The following CBY3 variants were observed in gnomAD, a reference collection of about 807,000 sequenced individuals.
CBY3 encodes sperm annulus positioning complex subunit Chibby3.
In CBY3, 7 loss-of-function variants were observed where a neutral mutation model predicts 3.0. The ratio of observed to expected loss-of-function variants is 2.32; its 90% CI spans 1.32 to 4.35. The LOEUF is 4.35. Ranked by LOEUF, CBY3 falls within the 30% of genes most tolerant of loss-of-function variation. The pLI, the probability that CBY3 is intolerant of heterozygous loss-of-function variation, is 0.00. For missense variants in CBY3, 400 were observed against 336.4 expected, an observed-to-expected ratio of 1.19 and a Z score of -1.48; for synonymous variants, 170 against 154.5, an observed-to-expected ratio of 1.10 and a Z score of -0.74.
chr5:179,678,626 G>T lies in CBY3; in HGVS notation c.686C>A (p.Ala229Glu). Residue 229 changes from alanine (A) to glutamate (E), a missense_variant, in exon 2 of 2, where the codon GCG becomes GAG. Ala to Glu is a moderately radical substitution (Grantham distance 107). Transcript: ENST00000376974. ...GCACGGCTGGATCATGAGCACGCCC[G>T]CGCTGGCGCCTGCGCGCTTGCGCAT... ...RKMRKRAGAS[A>E]GVLMIQPCAL... is the part of the protein sequence containing the mutation. 6.5e-7 allele frequency: 1 copy of T among 1,532,558 alleles called. No homozygotes were observed. The highest frequency in any genetic ancestry group is 8.7e-7 in the Non-Finnish European group (1 of 1,143,988). The allele number at this position is 1,532,558 out of a possible 1,614,324, so 94.9% of individuals were successfully genotyped here. A position where few individuals can be genotyped will look rare whatever the true frequency, so the allele number is the denominator to read the frequency against.
At chr5:179,680,018 G>A (rs1016243861) in intron 1 of CBY3, among the ~76,000 whole-genome samples, 1 of 112,890 alleles carries the variant, frequency 8.9e-6, no homozygotes, top group Non-Finnish European at 1.7e-5. Flanking sequence ...TCACCTTATT[G>A]GCCAGGCTGG....
At chr5:179,679,716 T>C (rs143661279) in intron 1 of CBY3, among the ~76,000 whole-genome samples, 2,276 of 152,102 alleles carry the variant, frequency 0.015, 25 homozygotes, top group Non-Finnish European at 0.022. Context: ...TGGAGTGCAA[T>C]TGCGCGATCT....
In CBY3 at chr5:179,678,966, G is replaced by C; in HGVS notation, c.346C>G (p.Leu116Val). 6.5e-7 allele frequency: 1 copy of C among 1,535,836 alleles called. No individual in the cohort carries two copies. Among genetic ancestry groups the C allele is most frequent in the South Asian group, 1.2e-5 (1 of 83,982 alleles). The change falls in exon 2 of 2, where the codon CTG (leucine) becomes GTG (valine). Residue 116 changes from leucine (L) to valine (V), a missense_variant. Coordinates refer to ENST00000376974, the MANE Select transcript of CBY3 (RefSeq NM_001164444.2). ...CACGGCGCGCCGTAGGCGAGGCCCA[G>C]CTCGGCCTGGCGCGTGTTGTGGTCC... ...LLDHNTRQAE[L>V]GLAYGAPCMR...
rs762743798 is a variant in CBY3, at chr5:179,678,642, GC to G, written c.669del (p.Lys223AsnfsTer11). 6.5e-7 allele frequency: 1 copy of G among 1,533,668 alleles called. No individual in the cohort carries two copies. The highest frequency in any genetic ancestry group is 1.2e-5 in the South Asian group (1 of 83,888). ...AARAGQRKMR[K>X]RAGASAGVLM... ...AGCACGCCCGCGCTGGCGCCTGCGC[GC>G]TTGCGCATCTTCCTCTGCCCGGCGC... On this transcript the variant is annotated frameshift_variant, in exon 2 of 2. Coordinates refer to ENST00000376974, the MANE Select transcript of CBY3 (RefSeq NM_001164444.2). LOFTEE classifies it low-confidence loss of function (END_TRUNC).
chr5:179,679,478 A>G (rs1775997635), intron 1 of CBY3, among the ~76,000 whole-genome samples: 1 of 152,198 alleles, frequency 6.6e-6, no homozygotes, highest in African/African-American at 2.4e-5. Context: ...GCCCTGGGAT[A>G]CATATGCAGA....
intron 1 of CBY3, among the ~76,000 whole-genome samples, chr5:179,679,642 A>G (rs1033497609): frequency 2.0e-5 from 3 of 152,038 alleles, no homozygotes; most frequent in Non-Finnish European, 4.4e-5. Flanking sequence ...GGCAGAGGGA[A>G]GAGCCGAGCA....
chr5:179,679,733 A>G (rs1300060543), intron 1 of CBY3, among the ~76,000 whole-genome samples: 1 of 151,946 alleles, frequency 6.6e-6, no homozygotes, highest in Non-Finnish European at 1.5e-5. Flanking sequence ...ATCTTGGCTC[A>G]CTGCAACCTC....
At chr5:179,679,431 A>G (rs991515985) in intron 1 of CBY3, 166 bp from the exon 2 acceptor site, 11 of 610,476 alleles carry the variant, frequency 1.8e-5, no homozygotes, top group Non-Finnish European at 2.8e-5. Flanking sequence ...CAGCAGTCTC[A>G]CCTAAACCAT....
rs1775961142 is a variant in CBY3 at position 179,678,573 on chromosome 5, C to A, written c.*10G>T. The A allele has an allele frequency of 6.7e-7, 1 of 1,486,876 alleles. No individual in the cohort carries two copies. The highest frequency in any genetic ancestry group is 8.9e-7 in the Non-Finnish European group (1 of 1,119,210). 92.1% of individuals were successfully genotyped at this position (1,486,876 alleles called of 1,614,324 possible). A position where few individuals can be genotyped will look rare whatever the true frequency, so the allele number is the denominator to read the frequency against. The stretch of plus-strand genomic sequence containing the variant: ...GTGAGGCGCGCATGCGTAGCGCGGC[C>A]TTTATTGCGTCACTGCGAGTCCAGA... On this transcript the variant is annotated 3_prime_UTR_variant, in exon 2 of 2. Transcript: ENST00000376974.
At position 179,678,896 on chromosome 5, in the gene CBY3, C is replaced by T; in HGVS notation, c.416G>A (p.Trp139Ter). 1.3e-6 allele frequency: 2 copies of T among 1,535,148 alleles called. No individual in the cohort carries two copies. The highest frequency in any genetic ancestry group is 1.7e-6 in the Non-Finnish European group (2 of 1,145,736). Residue 139 changes from tryptophan (W) to a stop codon, truncating the protein, a stop_gained, in exon 2 of 2, where the codon TGG (tryptophan) becomes TAG (stop). Coordinates refer to ENST00000376974, the MANE Select transcript of CBY3 (RefSeq NM_001164444.2). LOFTEE classifies it low-confidence loss of function (END_TRUNC). ...NQAFVFRGGR[W>*]TTESQLARTR... Reference sequence around the variant, plus strand: ...CCTCGCCAGCTGGCTCTCAGTGGTCCACCGCCCGCCGCGGAACACGAAGGC... The same window carrying T: ...CCTCGCCAGCTGGCTCTCAGTGGTCTACCGCCCGCCGCGGAACACGAAGGC...
Position 179,680,488 on chromosome 5 carries a change from G to A in CBY3, c.46+385C>T, listed in dbSNP as rs144201515. On this transcript the variant is annotated intron_variant, in intron 1 of 1. Coordinates refer to ENST00000376974, the MANE Select transcript of CBY3 (RefSeq NM_001164444.2). ...CTAATCCAGCTTGGAAGACAGATGC[G>A]TGTATAGACCACAGTCCAGTGTGTT... 1.9e-3 allele frequency among the ~76,000 whole-genome samples: 291 copies of A among 152,236 alleles called. 3 individuals carry two copies. Among genetic ancestry groups the A allele is most frequent in the Middle Eastern group, 0.014 (4 of 294 alleles).
Position 179,678,881 on chromosome 5 carries a change from T to C in CBY3, c.431A>G (p.Gln144Arg), listed in dbSNP as rs990600735. 6 of 1,535,772 alleles carry C rather than the reference T, an allele frequency of 3.9e-6. No homozygotes were observed. In the African/African-American group the frequency reaches 8.2e-5, roughly 21 times the overall value. The change falls in exon 2 of 2, where the codon CAG becomes CGG. Residue 144 changes from glutamine to arginine, a missense_variant. Transcript: ENST00000376974. The part of the protein sequence containing the change: ...FRGGRWTTES[Q>R]LARTRSPLLS... ...CAGCGGCGACCGCGTCCTCGCCAGC[T>C]GGCTCTCAGTGGTCCACCGCCCGCC...
chr5:179,679,847 C>G (rs931768091), intron 1 of CBY3, among the ~76,000 whole-genome samples: 2 of 151,178 alleles, frequency 1.3e-5, no homozygotes, highest in Non-Finnish European at 2.9e-5. Flanking sequence ...TTAGTGAAGA[C>G]GGGGTTTCAC....
intron 1 of CBY3, among the ~76,000 whole-genome samples, chr5:179,680,298 G>A (rs1581809607): frequency 6.6e-6 from 1 of 152,160 alleles, no homozygotes; most frequent in African/African-American, 2.4e-5. Flanking sequence ...GCCGGGGTTA[G>A]ATCTGGATTC....
At position 179,679,196 on chromosome 5, in the gene CBY3, C is replaced by T. The variant is rs762709823; in HGVS notation, c.116G>A (p.Arg39His). The T allele has an allele frequency of 9.8e-6, 15 of 1,534,788 alleles. No individual in the cohort carries two copies. The highest frequency in any genetic ancestry group is 1.4e-5 in the African/African-American group (1 of 73,146). Residue 39 changes from arginine to histidine, a missense_variant, in exon 2 of 2, where the codon CGC (arginine) becomes CAC (histidine). By Grantham distance (29) the Arg-to-His change is conservative. Transcript: ENST00000376974. ...CGAAGGGGAGCCTCGGGAGCGCTGGCGACTCGTGCTGCGCTCTTGTCTCGG... is the reference window on the plus strand; with the variant it reads ...CGAAGGGGAGCCTCGGGAGCGCTGGTGACTCGTGCTGCGCTCTTGTCTCGG... ...GLPRQERSTSRQRSRGSPSST... is the reference protein window; with the variant it reads ...GLPRQERSTSHQRSRGSPSST...
At chr5:179,679,293 C>T (rs1489578765) in intron 1 of CBY3, 28 bp from the exon 2 acceptor site, 4 of 1,496,686 alleles carry the variant, frequency 2.7e-6, no homozygotes, top group South Asian at 1.3e-5. Flanking sequence ...GGGTGAGCAG[C>T]GTGCTTGGTA....
intron 1 of CBY3, among the ~76,000 whole-genome samples, chr5:179,679,708 G>A (rs1776004925): frequency 6.6e-6 from 1 of 152,068 alleles, no homozygotes; most frequent in Non-Finnish European, 1.5e-5. Flanking sequence ...GCCCGAGCTG[G>A]AGTGCAATTG....
rs114542354 is a variant in CBY3 at position 179,678,700 on chromosome 5, G to T, written c.612C>A (p.Arg204=). The change falls in exon 2 of 2, where the codon CGC becomes CGA. Residue 204 remains arginine (R), a synonymous_variant. Transcript: ENST00000376974. The part of the protein sequence containing the change: ...MARMHLLEKQ[R]NPEVIPTAAA... ...CAGCCGTCGGGATCACCTCGGGGTT[G>T]CGCTGCTTCTCCAGCAAGTGCATGC... 3.9e-6 allele frequency: 6 copies of T among 1,536,910 alleles called. No homozygotes were observed. The highest frequency in any genetic ancestry group is 2.7e-5 in the African/African-American group (2 of 73,170).
Position 179,678,970 on chromosome 5 carries a change from G to C in CBY3, c.342C>G (p.Ala114=). 1 of 1,535,882 alleles carries C rather than the reference G, an allele frequency of 6.5e-7. No individual in the cohort carries two copies. The highest frequency in any genetic ancestry group is 8.7e-7 in the Non-Finnish European group (1 of 1,146,406). The change falls in exon 2 of 2, where the codon GCC becomes GCG. Residue 114 remains alanine, a synonymous_variant. Transcript: ENST00000376974. ...GCGCGCCGTAGGCGAGGCCCAGCTCGGCCTGGCGCGTGTTGTGGTCCAGCA... is the reference window on the plus strand; with the variant it reads ...GCGCGCCGTAGGCGAGGCCCAGCTCCGCCTGGCGCGTGTTGTGGTCCAGCA... ...FYLLDHNTRQ[A]ELGLAYGAPC...
Sources: allele counts gnomAD v4.1 joint callset (sites outside exome capture counted in the v4.1 genomes callset), GRCh38; gene constraint gnomAD v4.1.1; transcripts MANE v1.5; gene names NCBI Gene and HGNC (gene_info 2026-07-23, HGNC 2026-07-21).